The following CHPF variants were observed in gnomAD, a reference collection of about 807,000 sequenced individuals.
CHPF encodes the protein chondroitin polymerizing factor, non-catalytic subunit.
CHPF carries 34 observed loss-of-function variants against 55.1 expected under a neutral mutation model. The observed-to-expected ratio is 0.62, with a 90% CI of 0.47 to 0.82. CHPF has a LOEUF of 0.82. Among genes scored for constraint, CHPF ranks in the 40% least tolerant of loss-of-function variants. The probability of loss-of-function intolerance (pLI) is 0.00; values close to 1 mark genes in which losing one functional copy is unlikely to be tolerated. For synonymous variants in CHPF, 489 were observed against 496.6 expected, an observed-to-expected ratio of 0.98 and a Z score of 0.20; for missense variants, 961 against 1,106.1, an observed-to-expected ratio of 0.87 and a Z score of 1.86.
At chr2:219,542,862 C>T in intron 1 of CHPF, 1 of 1,050,966 alleles carries the variant, frequency 9.5e-7, no homozygotes, top group Non-Finnish European at 1.1e-6. Flanking sequence ...ACAAGAGATC[C>T]AGGTAAATCC....
intron 3 of CHPF, 123 bp from the exon 4 acceptor site, chr2:219,540,765 C>T (rs1269471397): frequency 2.4e-6 from 3 of 1,265,698 alleles, no homozygotes; most frequent in Admixed American, 2.6e-5. Context: ...AACCTCTGCC[C>T]ATACCTATCA....
Position 219,541,725 on chromosome 2 carries a change from C to G in CHPF, c.779G>C (p.Arg260Pro). Reference protein sequence around the residue: ...LLSRMLLQQLRPHLEGCRNDI... With the variant: ...LLSRMLLQQLPPHLEGCRNDI... Reference sequence around the variant, plus strand: ...GTTGCGGCAGCCTTCCAGGTGGGGGCGCAGTTGTTGCAGCAGCATGCGCGA... The same window carrying G: ...GTTGCGGCAGCCTTCCAGGTGGGGGGGCAGTTGTTGCAGCAGCATGCGCGA... The change falls in exon 2 of 4, where the codon CGC becomes CCC. Residue 260 changes from arginine to proline, a missense_variant. Arg to Pro is a moderately radical substitution (Grantham distance 103). This residue lies in a region of CHPF where 936 missense variants were observed against 1,058.4 expected (regional missense o/e 0.88). Coordinates refer to ENST00000243776, the MANE Select transcript of CHPF (RefSeq NM_024536.6). 6.2e-7 allele frequency: 1 copy of G among 1,611,102 alleles called. No individual in the cohort carries two copies. Among genetic ancestry groups the G allele is most frequent in the African/African-American group, 1.3e-5 (1 of 74,968 alleles).
rs750352855 is a variant in CHPF, at chr2:219,540,366, C to G, written c.1345G>C (p.Val449Leu). ...PALRLQKQQL[V>L]NGYRRFDPAR... ...GGATCAAAGCGTCGGTAGCCATTCA[C>G]CAGCTGCTGCTTCTGGAGCCGCAAG... The change falls in exon 4 of 4, where the codon GTG (valine) becomes CTG (leucine). Residue 449 changes from valine to leucine, a missense_variant. Physicochemically the swap from Val to Leu is conservative, Grantham distance 32. This residue lies in a region of CHPF where 936 missense variants were observed against 1,058.4 expected (regional missense o/e 0.88). Transcript: ENST00000243776. The G allele has an allele frequency of 6.2e-6, 10 of 1,613,922 alleles. No individual in the cohort carries two copies. Among genetic ancestry groups the G allele is most frequent in the African/African-American group, 1.3e-5 (1 of 74,958 alleles).
In CHPF at chr2:219,539,757, C is replaced by T. The variant is rs1159280680; in HGVS notation, c.1954G>A (p.Ala652Thr). The T allele has an allele frequency of 1.2e-6, 2 of 1,613,462 alleles. No homozygotes were observed. Reference protein sequence around the residue: ...MHFQAFHPAVAPPQGPGPPEL... With the variant: ...MHFQAFHPAVTPPQGPGPPEL... ...GGGGGCCCAGGCCCTTGTGGTGGGG[C>T]CACAGCTGGGTGGAAGGCTTGGAAA... The change falls in exon 4 of 4, where the codon GCC becomes ACC. Residue 652 changes from alanine to threonine, a missense_variant. Transcript: ENST00000243776.
rs187605228 is a variant in CHPF, at chr2:219,540,556, C to T, written c.1155G>A (p.Pro385=). ...WPVGIPAPSR[P]ASRFEVLRWD... ...AGCGCAGCACCTCAAAGCGGGAGGCCGGGCGGGATGGTGCTGGAATACCCA... is the reference window on the plus strand; with the variant it reads ...AGCGCAGCACCTCAAAGCGGGAGGCTGGGCGGGATGGTGCTGGAATACCCA... The change falls in exon 4 of 4, where the codon CCG becomes CCA. Residue 385 remains proline (P), a synonymous_variant. Transcript: ENST00000243776. The T allele has an allele frequency of 7.3e-4, 1,180 of 1,613,838 alleles. 5 individuals carry two copies. The highest frequency in any genetic ancestry group is 3.7e-3 in the Admixed American group (225 of 60,004).
At position 219,539,667 on chromosome 2, in the gene CHPF, A is replaced by C. The variant is rs1418342310; in HGVS notation, c.2044T>G (p.Ser682Ala). Reference sequence around the variant, plus strand: ...CGCCCACGGGCTGCCACATAGTCGGAGTTGTAGAAGCAGGCCTCGCTGGCT... The same window carrying C: ...CGCCCACGGGCTGCCACATAGTCGGCGTTGTAGAAGCAGGCCTCGCTGGCT... Reference protein sequence around the residue: ...QAASEACFYNSDYVAARGRLA... With the variant: ...QAASEACFYNADYVAARGRLA... Residue 682 changes from serine to alanine, a missense_variant, in exon 4 of 4, where the codon TCC becomes GCC. By Grantham distance (99) the Ser-to-Ala change is moderately conservative. This residue lies in a region of CHPF where 936 missense variants were observed against 1,058.4 expected (regional missense o/e 0.88). Transcript: ENST00000243776. 6.2e-7 allele frequency: 1 copy of C among 1,613,440 alleles called. No individual in the cohort carries two copies. The highest frequency in any genetic ancestry group is 8.5e-7 in the Non-Finnish European group (1 of 1,179,960).
Position 219,539,323 on chromosome 2 carries a change from T to G in CHPF, c.*60A>C. The G allele has an allele frequency of 1.6e-5, 24 of 1,472,754 alleles. No homozygotes were observed. The highest frequency in any genetic ancestry group is 2.0e-5 in the Non-Finnish European group (22 of 1,093,506). 91.2% of individuals were successfully genotyped at this position (1,472,754 alleles called of 1,614,324 possible). On this transcript the variant is annotated 3_prime_UTR_variant, in exon 4 of 4. Transcript: ENST00000243776. ...CAGCGAGGCTGGCAGGTGGCTCTGG[T>G]TTTGGGGGAGAAGTGGGGTGGGGTG...
chr2:219,543,781 G>T lies in CHPF; in HGVS notation c.-243C>A. 2.2e-6 allele frequency: 1 copy of T among 457,762 alleles called. No homozygotes were observed. Among genetic ancestry groups the T allele is most frequent in the Non-Finnish European group, 3.8e-6 (1 of 260,030 alleles). The allele number at this position is 457,762 out of a possible 1,614,324, so 28.4% of individuals were successfully genotyped here. A position where few individuals can be genotyped will look rare whatever the true frequency, so the allele number is the denominator to read the frequency against. ...TGCGCTCGGCACTGGAGCCTCAGCC[G>T]CGGCCGCAGCTGTCCGACGTGTCAC... is the stretch of plus-strand genomic sequence containing the variant. On this transcript the variant is annotated 5_prime_UTR_variant, in exon 1 of 4. Transcript: ENST00000243776.
Position 219,539,498 on chromosome 2 carries a change from G to A in CHPF, c.2213C>T (p.Ala738Val), listed in dbSNP as rs372387019. The change falls in exon 4 of 4, where the codon GCG (alanine) becomes GTG (valine). Residue 738 changes from alanine to valine, a missense_variant. Physicochemically the swap from Ala to Val is moderately conservative, Grantham distance 64. This residue lies in a region of CHPF where 936 missense variants were observed against 1,058.4 expected (regional missense o/e 0.88). Coordinates refer to ENST00000243776, the MANE Select transcript of CHPF (RefSeq NM_024536.6). Reference protein sequence around the residue: ...LQRYRAQTCSARLSEDLYHRC... With the variant: ...LQRYRAQTCSVRLSEDLYHRC... ...GTGGTACAGGTCCTCACTGAGCCTC[G>A]CGCTGCACGTCTGGGCCCGGTAGCG... 2.1e-5 allele frequency: 34 copies of A among 1,613,696 alleles called. No homozygotes were observed. Among genetic ancestry groups the A allele is most frequent in the African/African-American group, 1.6e-4 (12 of 75,062 alleles).
chr2:219,543,005 C>T, intron 1 of CHPF: 1 of 1,327,878 alleles, frequency 7.5e-7, no homozygotes, highest in Non-Finnish European at 9.6e-7. Flanking sequence ...GTTTAGGACA[C>T]AGTCCAGTAA....
Position 219,540,115 on chromosome 2 carries a change from T to C in CHPF, c.1596A>G (p.Ala532=). ...APGFLEAFAT[A]ALEPGDAAAA... is the part of the protein sequence containing the mutation. ...CCGCAGCATCACCAGGCTCCAGTGC[T>C]GCAGTGGCAAAGGCCTCCAAGAAGC... The change falls in exon 4 of 4, where the codon GCA becomes GCG. Residue 532 remains alanine, a synonymous_variant. Transcript: ENST00000243776. The C allele has an allele frequency of 6.2e-7, 1 of 1,602,534 alleles. No individual in the cohort carries two copies. Among genetic ancestry groups the C allele is most frequent in the South Asian group, 1.1e-5 (1 of 89,616 alleles).
chr2:219,540,862 T>G, intron 3 of CHPF, 84 bp downstream of exon 3: 1 of 1,539,238 alleles, frequency 6.5e-7, no homozygotes, highest in South Asian at 1.2e-5. Flanking sequence ...GTGATTCTAG[T>G]GCTAACTTGT....
In CHPF at chr2:219,539,337, TG is replaced by T; in HGVS notation, c.*45del. The T allele has an allele frequency of 6.6e-7, 1 of 1,520,378 alleles. No individual in the cohort carries two copies. 94.2% of individuals were successfully genotyped at this position (1,520,378 alleles called of 1,614,324 possible). On this transcript the variant is annotated 3_prime_UTR_variant, in exon 4 of 4. Transcript: ENST00000243776. ...GGTGGCTCTGGTTTTGGGGGAGAAG[TG>T]GGGTGGGGTGTGGCCATGCCACGGC...
chr2:219,541,731 T>C lies in CHPF; in HGVS notation c.773A>G (p.Gln258Arg), dbSNP rs1281837451. 2 of 1,611,166 alleles carry C rather than the reference T, an allele frequency of 1.2e-6. No individual in the cohort carries two copies. The highest frequency in any genetic ancestry group is 1.7e-6 in the Non-Finnish European group (2 of 1,178,812). Reference protein sequence around the residue: ...GVLLSRMLLQQLRPHLEGCRN... With the variant: ...GVLLSRMLLQRLRPHLEGCRN... The stretch of plus-strand genomic sequence containing the variant: ...GCAGCCTTCCAGGTGGGGGCGCAGT[T>C]GTTGCAGCAGCATGCGCGACAGCAG... The change falls in exon 2 of 4, where the codon CAA (glutamine) becomes CGA (arginine). Residue 258 changes from glutamine to arginine, a missense_variant. Around this residue, in one of 3 missense-constraint regions of CHPF, gnomAD observed 936 missense variants for 1,058.4 expected, o/e 0.88. Coordinates refer to ENST00000243776, the MANE Select transcript of CHPF (RefSeq NM_024536.6).
rs1336922788 is a variant in CHPF, at chr2:219,541,801, C to G, written c.703G>C (p.Gly235Arg). 1 of 1,606,470 alleles carries G rather than the reference C, an allele frequency of 6.2e-7. No individual in the cohort carries two copies. ...CAGTAGCGGCCGGGGGTGGGCTCTC[C>G]GCCGATGAAGTCCTGGGGCCGGCCC... ...YLGRPQDFIG[G>R]EPTPGRYCHG... The change falls in exon 2 of 4, where the codon GGA (glycine) becomes CGA (arginine). Residue 235 changes from glycine to arginine, a missense_variant. Physicochemically the swap from Gly to Arg is moderately radical, Grantham distance 125. Around this residue, in one of 3 missense-constraint regions of CHPF, gnomAD observed 936 missense variants for 1,058.4 expected, o/e 0.88. Transcript: ENST00000243776.
Position 219,541,675 on chromosome 2 carries a change from C to A in CHPF, c.829G>T (p.Glu277Ter), listed in dbSNP as rs746575835. 6.2e-7 allele frequency: 1 copy of A among 1,607,964 alleles called. No homozygotes were observed. The highest frequency in any genetic ancestry group is 8.5e-7 in the Non-Finnish European group (1 of 1,176,052). The change falls in exon 2 of 4, where the codon GAG (glutamate) becomes TAG (stop). Residue 277 changes from glutamate (E) to a stop codon, truncating the protein, a stop_gained. Transcript: ENST00000243776. LOFTEE classifies it high-confidence loss of function. The stretch of plus-strand genomic sequence containing the variant: ...TCGAGAATGCAGCGACCCAGCCACT[C>A]GTCAGGGCGCGCACTGACGATGTCG... The part of the protein sequence containing the change: ...RNDIVSARPD[E>*]WLGRCILDAT...
In CHPF at chr2:219,540,927, C is replaced by T. The variant is rs745607489; in HGVS notation, c.1068+19G>A. ...GATCCTGTCCCCGTCACTCTGCCAC[C>T]CCCAGACCTAGACCATACCTGTAAC... On this transcript the variant is annotated intron_variant, in intron 3 of 3. Transcript: ENST00000243776. 2.5e-6 allele frequency: 4 copies of T among 1,608,822 alleles called. No individual in the cohort carries two copies. Among genetic ancestry groups the T allele is most frequent in the Non-Finnish European group, 1.7e-6 (2 of 1,178,428 alleles).
Position 219,539,200 on chromosome 2 carries a change from G to C in CHPF, c.*183C>G. 2 of 610,776 alleles carry C rather than the reference G, an allele frequency of 3.3e-6. No homozygotes were observed. The highest frequency in any genetic ancestry group is 5.7e-6 in the Non-Finnish European group (2 of 353,838). The allele number at this position is 610,776 out of a possible 1,614,324, so 37.8% of individuals were successfully genotyped here. ...TGGGATGAGAAGTGGGTGGCTCTGG[G>C]GGCACGTCCCCCAGTGCTTGTCCAG... On this transcript the variant is annotated 3_prime_UTR_variant, in exon 4 of 4. Coordinates refer to ENST00000243776, the MANE Select transcript of CHPF (RefSeq NM_024536.6).
Position 219,540,451 on chromosome 2 carries a change from A to C in CHPF, c.1260T>G (p.Ala420=). The part of the protein sequence containing the change: ...PRCPLRGADR[A]DVADVLGTAL... Reference sequence around the variant, plus strand: ...CTGTCCCCAGAACATCGGCCACATCAGCCCGGTCAGCCCCACGCAGTGGGC... The same window carrying C: ...CTGTCCCCAGAACATCGGCCACATCCGCCCGGTCAGCCCCACGCAGTGGGC... The change falls in exon 4 of 4, where the codon GCT becomes GCG. Residue 420 remains alanine (A), a synonymous_variant. Coordinates refer to ENST00000243776, the MANE Select transcript of CHPF (RefSeq NM_024536.6). 1 of 1,613,820 alleles carries C rather than the reference A, an allele frequency of 6.2e-7. No individual in the cohort carries two copies. Among genetic ancestry groups the C allele is most frequent in the Non-Finnish European group, 8.5e-7 (1 of 1,179,964 alleles).
Sources: allele counts gnomAD v4.1 joint callset, GRCh38; gene constraint gnomAD v4.1.1; regional missense constraint gnomAD v4.1.1; transcripts MANE v1.5; gene names NCBI Gene and HGNC (gene_info 2026-07-23, HGNC 2026-07-21).